Variants in LYPD6B observed in about 807,000 individuals in gnomAD.
The protein encoded by LYPD6B is ly6/PLAUR domain-containing protein 6B.
In LYPD6B, 17 loss-of-function variants were observed where a neutral mutation model predicts 22.8. The observed-to-expected ratio is 0.75, with a 90% CI of 0.51 to 1.12. The LOEUF is 1.12. Among genes scored for constraint, LYPD6B ranks in the 50% most tolerant of loss-of-function variants. LYPD6B has a pLI of 0.00. For synonymous variants in LYPD6B, 106 were observed against 91.6 expected, an observed-to-expected ratio of 1.16 and a Z score of -0.90; for missense variants, 221 against 258.3, an observed-to-expected ratio of 0.86 and a Z score of 0.99.
At chr2:149,120,872 A>G (rs989973947) in intron 1 of LYPD6B, among the ~76,000 whole-genome samples, 6 of 134,812 alleles carry the variant, frequency 4.5e-5, no homozygotes, top group South Asian at 2.3e-4. Flanking sequence ...GCTCATTGCA[A>G]CCTCTACCTC....
chr2:149,124,742 C>G (rs902606160), intron 1 of LYPD6B, among the ~76,000 whole-genome samples: 14 of 152,148 alleles, frequency 9.2e-5, no homozygotes, highest in African/African-American at 3.4e-4. Context: ...GCCAACAGAC[C>G]TTTCTACTTG....
At chr2:149,123,977 C>T (rs543664838) in intron 1 of LYPD6B, among the ~76,000 whole-genome samples, 1 of 152,304 alleles carries the variant, frequency 6.6e-6, no homozygotes, top group South Asian at 2.1e-4. Flanking sequence ...GTAATACTCA[C>T]CTGATGTTAT....
At chr2:149,178,052 G>A (rs1353165900) in intron 3 of LYPD6B, among the ~76,000 whole-genome samples, 1 of 151,968 alleles carries the variant, frequency 6.6e-6, no homozygotes, top group Admixed American at 6.6e-5. Flanking sequence ...ATTCCAAGAA[G>A]TATTTTTTTT....
chr2:149,201,983 CT>C (rs986466239), intron 3 of LYPD6B, among the ~76,000 whole-genome samples: 1 of 152,142 alleles, frequency 6.6e-6, no homozygotes, highest in East Asian at 1.9e-4. Context: ...ACTAGGGTTC[CT>C]ACAGTGCTAT....
intron 3 of LYPD6B, among the ~76,000 whole-genome samples, chr2:149,202,854 C>T (rs9678368): frequency 0.19 from 29,649 of 152,088 alleles, 3,028 homozygotes; most frequent in East Asian, 0.36. Flanking sequence ...CAAAATTCCA[C>T]ACACGTAACT....
At chr2:149,086,997 G>A (rs542566541) in intron 1 of LYPD6B, among the ~76,000 whole-genome samples, 1 of 135,204 alleles carries the variant, frequency 7.4e-6, no homozygotes, top group South Asian at 2.4e-4. Flanking sequence ...TCTTAATGAA[G>A]TAAGAAGGTA....
At chr2:149,089,646 G>A (rs1382878559) in intron 1 of LYPD6B, among the ~76,000 whole-genome samples, 3 of 152,130 alleles carry the variant, frequency 2.0e-5, no homozygotes, top group Non-Finnish European at 4.4e-5. Context: ...TTTAAGGAAA[G>A]CATTCATTTT....
chr2:149,086,590 C>T (rs752397147), intron 1 of LYPD6B, among the ~76,000 whole-genome samples: 4 of 152,196 alleles, frequency 2.6e-5, no homozygotes, highest in African/African-American at 4.8e-5. Flanking sequence ...AGGGGTGATA[C>T]GCTGTCCTAG....
At chr2:149,098,993 A>T (rs1247915171) in intron 1 of LYPD6B, among the ~76,000 whole-genome samples, 1 of 152,196 alleles carries the variant, frequency 6.6e-6, no homozygotes, top group Non-Finnish European at 1.5e-5. Flanking sequence ...TCCAATGACC[A>T]TTAACACCCT....
chr2:149,073,787 G>C (rs1287965927), intron 1 of LYPD6B, among the ~76,000 whole-genome samples: 2 of 151,950 alleles, frequency 1.3e-5, no homozygotes, highest in Non-Finnish European at 2.9e-5. Context: ...GCCTGGATTT[G>C]CCTGTCTCTG....
rs1684670589 is a variant in LYPD6B at position 149,072,542 on chromosome 2, A to C, written c.-67+33741A>C. ...ATTTTATTTTATTTTATTTCATTTTATTTTATTTTTTTGAGACACAGTTTC... is the reference window on the plus strand; with the variant it reads ...ATTTTATTTTATTTTATTTCATTTTCTTTTATTTTTTTGAGACACAGTTTC... On this transcript the variant is annotated intron_variant, in intron 1 of 6. Transcript: ENST00000409642. Among the ~76,000 whole-genome samples the C allele has an allele frequency of 3.4e-5, 5 of 147,924 alleles. No homozygotes were observed. The South Asian group carries it at 1.1e-3, about 31-fold the overall frequency.
chr2:149,050,711 G>A (rs973956492), intron 1 of LYPD6B, among the ~76,000 whole-genome samples: 2 of 152,174 alleles, frequency 1.3e-5, no homozygotes, highest in South Asian at 2.1e-4. Flanking sequence ...AGCTGGGATT[G>A]TAGTTTGTCT....
chr2:149,114,033 C>T (rs924659480), intron 1 of LYPD6B, among the ~76,000 whole-genome samples: 2 of 152,052 alleles, frequency 1.3e-5, no homozygotes, highest in Non-Finnish European at 2.9e-5. Flanking sequence ...TTCCTCTTTC[C>T]CTCTGAAAGC....
At chr2:149,153,442 A>T (rs1689496416) in intron 2 of LYPD6B, among the ~76,000 whole-genome samples, 1 of 152,012 alleles carries the variant, frequency 6.6e-6, no homozygotes, top group African/African-American at 2.4e-5. Flanking sequence ...TTTAAGGCAG[A>T]CATGTGGTAT....
intron 1 of LYPD6B, among the ~76,000 whole-genome samples, chr2:149,050,682 C>T (rs962624130): frequency 1.3e-5 from 2 of 152,184 alleles, no homozygotes; most frequent in Non-Finnish European, 2.9e-5. Context: ...GTGCATTATA[C>T]ATTTCTCCTA....
intron 1 of LYPD6B, among the ~76,000 whole-genome samples, chr2:149,045,184 C>G (rs1683254916): frequency 6.6e-6 from 1 of 151,938 alleles, no homozygotes; most frequent in Non-Finnish European, 1.5e-5. Flanking sequence ...TCCACTTCAC[C>G]TAAGTTGTCA....
chr2:149,120,368 T>TATATAC (rs1226830212), intron 1 of LYPD6B, among the ~76,000 whole-genome samples: 3 of 30,158 alleles, frequency 9.9e-5, no homozygotes, highest in Non-Finnish European at 1.9e-4. Flanking sequence ...TGTGTATATA[T>TATATAC]ATATATATAT....
chr2:149,112,848 A>G (rs1029663550), intron 1 of LYPD6B, among the ~76,000 whole-genome samples: 2 of 152,200 alleles, frequency 1.3e-5, no homozygotes, highest in Non-Finnish European at 2.9e-5. Context: ...AGGTGATGGG[A>G]ATATAACTGA....
At chr2:149,082,434 C>T (rs941514870) in intron 1 of LYPD6B, among the ~76,000 whole-genome samples, 1 of 152,140 alleles carries the variant, frequency 6.6e-6, no homozygotes, top group African/African-American at 2.4e-5. Flanking sequence ...CCTAGACATG[C>T]AAGAATTTGA....
Sources: gnomAD v4.1 joint callset for allele counts (sites outside exome capture counted in the v4.1 genomes callset) on GRCh38, gnomAD v4.1.1 for gene constraint, MANE v1.5 for transcripts, NCBI Gene and HGNC (gene_info 2026-07-23, HGNC 2026-07-21) for gene names.